The following FOCAD variants were observed in gnomAD, a reference collection of about 807,000 sequenced individuals.
The protein encoded by FOCAD is focadhesin.
In FOCAD, 198 loss-of-function variants were observed where a neutral mutation model predicts 225.6. The observed-to-expected ratio is 0.88, with a 90% confidence interval of 0.78 to 0.99. The LOEUF (loss-of-function observed/expected upper bound fraction) is 0.99. FOCAD is among the 50% of genes least tolerant of loss of function. The pLI is 0.00. For synonymous variants in FOCAD, 897 were observed against 755.0 expected, an observed-to-expected ratio of 1.19 and a Z score of -3.08; for missense variants, 2,713 against 2,123.6, an observed-to-expected ratio of 1.28 and a Z score of -5.46.
chr9:20,800,319 A>G (rs1821654904), intron 11 of FOCAD, among the ~76,000 whole-genome samples: 1 of 151,818 alleles, frequency 6.6e-6, no homozygotes, highest in Non-Finnish European at 1.5e-5. Context: ...TCTGACAATT[A>G]TGTGTCTTGG....
At chr9:20,800,064 A>G (rs1375618994) in intron 11 of FOCAD, among the ~76,000 whole-genome samples, 2 of 152,072 alleles carry the variant, frequency 1.3e-5, no homozygotes, top group Non-Finnish European at 2.9e-5. Flanking sequence ...ATCTCTCAGC[A>G]TTTGCTTGTC....
chr9:20,667,980 A>T (rs1163409072), intron 2 of FOCAD, among the ~76,000 whole-genome samples: 1 of 152,196 alleles, frequency 6.6e-6, no homozygotes, highest in East Asian at 1.9e-4. Context: ...GCGTGTTTGG[A>T]CAGGGAAATA....
chr9:20,892,749 G>A (rs1831727766), intron 21 of FOCAD, among the ~76,000 whole-genome samples: 1 of 152,122 alleles, frequency 6.6e-6, no homozygotes, highest in African/African-American at 2.4e-5. Context: ...TGTTTGAGAG[G>A]ATTGATTCCA....
chr9:20,657,242 G>C (rs1408221590), upstream of FOCAD, among the ~76,000 whole-genome samples: 1 of 144,624 alleles, frequency 6.9e-6, no homozygotes, highest in Non-Finnish European at 1.5e-5. Context: ...TGGTGAATCT[G>C]ACAATTATGT....
At chr9:20,705,525 GAAGT>G (rs1824309641) in intron 1 of FOCAD, among the ~76,000 whole-genome samples, 1 of 152,112 alleles carries the variant, frequency 6.6e-6, no homozygotes, top group Admixed American at 6.5e-5. Flanking sequence ...AATGGTATTT[GAAGT>G]AAGATTGTGA....
chr9:20,659,523 C>T (rs758051604), intron 2 of FOCAD, among the ~76,000 whole-genome samples: 9 of 151,738 alleles, frequency 5.9e-5, no homozygotes, highest in African/African-American at 7.3e-5. Context: ...GATGTATGCA[C>T]ATAGAGGAAA....
At chr9:20,754,473 G>A (rs1258788726) in intron 5 of FOCAD, among the ~76,000 whole-genome samples, 3 of 151,768 alleles carry the variant, frequency 2.0e-5, no homozygotes, top group Non-Finnish European at 4.4e-5. Flanking sequence ...ATTTCCATAA[G>A]AAAATCACAA....
chr9:20,757,638 G>A (rs1274129656), intron 5 of FOCAD, among the ~76,000 whole-genome samples: 1 of 152,200 alleles, frequency 6.6e-6, no homozygotes, highest in East Asian at 1.9e-4. Context: ...TGGAAACAGA[G>A]AGGGAGAGAC....
At chr9:20,982,489 G>C in intron 39 of FOCAD, 43 bp downstream of exon 39, 1 of 1,498,672 alleles carries the variant, frequency 6.7e-7, no homozygotes, top group African/African-American at 1.4e-5. Flanking sequence ...TATTGAGCCA[G>C]AAATTACGAT....
chr9:20,800,985 A>G (rs1191048577), intron 11 of FOCAD, among the ~76,000 whole-genome samples: 1 of 151,930 alleles, frequency 6.6e-6, no homozygotes, highest in Non-Finnish European at 1.5e-5. Flanking sequence ...GGTTTTATCT[A>G]CGTTAGGTCT....
chr9:20,657,840 G>A (rs1337042877), upstream of FOCAD, among the ~76,000 whole-genome samples: 1 of 93,134 alleles, frequency 1.1e-5, no homozygotes, highest in Non-Finnish European at 2.2e-5. Context: ...TTCCTTTGGA[G>A]GAGGAGAGGC....
chr9:20,933,188 T>C lies in FOCAD; in HGVS notation c.3407+85T>C, dbSNP rs1835650078. On this transcript the variant is annotated intron_variant, in intron 28 of 43. Coordinates refer to ENST00000338382, the MANE Select transcript of FOCAD (RefSeq NM_001375567.1). ...AAGTCTTGCATGCTATGGAGAAATA[T>C]TTTTTATTTTTATTTTTTATTTCCA... 3.1e-6 allele frequency: 3 copies of C among 958,536 alleles called. No individual in the cohort carries two copies. The African/African-American group carries it at 5.0e-5, about 16-fold the overall frequency. 59.4% of individuals were successfully genotyped at this position (958,536 alleles called of 1,614,324 possible). A position where few individuals can be genotyped will look rare whatever the true frequency, so the allele number is the denominator to read the frequency against.
intron 8 of FOCAD, among the ~76,000 whole-genome samples, chr9:20,778,345 G>A (rs75176440): frequency 0.034 from 5,228 of 151,992 alleles, 123 homozygotes; most frequent in African/African-American, 0.067. Context: ...CCTGGGTCAA[G>A]CAATTGCCTC....
chr9:20,663,418 C>T (rs765019775), intron 2 of FOCAD, among the ~76,000 whole-genome samples: 2 of 150,832 alleles, frequency 1.3e-5, no homozygotes, highest in African/African-American at 2.4e-5. Context: ...TTTTCCTTAA[C>T]GAAATATTTC....
In FOCAD at chr9:20,901,190, CAA is replaced by C. The variant is rs1491028844; in HGVS notation, c.2626-5959_2626-5958del. Among the ~76,000 whole-genome samples the C allele has an allele frequency of 5.5e-3, 565 of 103,494 alleles. 10 individuals are homozygous for C. The East Asian group carries it at 0.073, about 13-fold the overall frequency. The allele number at this position is 103,494 out of a possible 152,430, so 67.9% of individuals were successfully genotyped here. On this transcript the variant is annotated intron_variant, in intron 21 of 43. Transcript: ENST00000338382. Reference sequence around the variant, plus strand: ...GTTTTTTTTTCTGGGAATGTGGAAACAATGTGTGTGTGTGTGTGTGTGTGTGT... The same window carrying C: ...GTTTTTTTTTCTGGGAATGTGGAAACTGTGTGTGTGTGTGTGTGTGTGTGT...
chr9:20,720,265 A>G, intron 3 of FOCAD, 115 bp from the exon 4 acceptor site: 3 of 1,006,816 alleles, frequency 3.0e-6, no homozygotes, highest in African/African-American at 1.6e-5. Flanking sequence ...CATCATCTTT[A>G]TAAAGGAAAG....
chr9:20,853,985 T>C (rs1158013975), intron 15 of FOCAD, among the ~76,000 whole-genome samples: 1 of 151,818 alleles, frequency 6.6e-6, no homozygotes, highest in Non-Finnish European at 1.5e-5. Flanking sequence ...ATGAATTGTG[T>C]GTGCTGAATT....
At chr9:20,819,440 T>G (rs746393755) in intron 11 of FOCAD, among the ~76,000 whole-genome samples, 81 of 152,034 alleles carry the variant, frequency 5.3e-4, no homozygotes, top group Non-Finnish European at 9.0e-4. Flanking sequence ...TCTTGAACTC[T>G]TGGACTGAAG....
At chr9:20,705,269 A>G (rs951323825) in intron 1 of FOCAD, among the ~76,000 whole-genome samples, 2 of 152,240 alleles carry the variant, frequency 1.3e-5, no homozygotes, top group African/African-American at 4.8e-5. Flanking sequence ...ATTAACATTT[A>G]GACATTCCTG....
Sources: gnomAD v4.1 joint callset for allele counts (sites outside exome capture counted in the v4.1 genomes callset) on GRCh38, gnomAD v4.1.1 for gene constraint, MANE v1.5 for transcripts, NCBI Gene and HGNC (gene_info 2026-07-23, HGNC 2026-07-21) for gene names.